MAGI2: variants seen among roughly 807,000 people sequenced by gnomAD.
MAGI2 encodes the protein membrane associated guanylate kinase, WW and PDZ domain containing 2, also known as membrane-associated guanylate kinase, WW and PDZ domain-containing protein 2.
Under a neutral mutation model 133.3 loss-of-function variants are expected in MAGI2, and 35 were observed. The ratio of observed to expected loss-of-function variants is 0.26; its 90% confidence interval spans 0.20 to 0.35. The LOEUF (loss-of-function observed/expected upper bound fraction) is 0.35, where lower values mean the gene tolerates loss of function less well. Among genes scored for constraint, MAGI2 ranks in the 10% least tolerant of loss-of-function variants. The probability of loss-of-function intolerance (pLI) is 1.00; values close to 1 mark genes in which losing one functional copy is unlikely to be tolerated. For missense variants in MAGI2, 1,636 were observed against 1,863.4 expected (o/e 0.88, Z 2.25); for synonymous variants, 729 against 710.6 (o/e 1.03, Z -0.41).
intron 3 of MAGI2, among the ~76,000 whole-genome samples, chr7:78,551,802 C>A (rs375667146): frequency 6.6e-6 from 1 of 151,956 alleles, no homozygotes; most frequent in South Asian, 2.1e-4. Flanking sequence ...TGGAGGGCAG[C>A]GGTGCGAACC....
At chr7:78,082,074 G>A (rs1461130219) in intron 20 of MAGI2, among the ~76,000 whole-genome samples, 1 of 152,170 alleles carries the variant, frequency 6.6e-6, no homozygotes, top group Non-Finnish European at 1.5e-5. Context: ...AGCCACTGCC[G>A]CCTTGTGGTT....
chr7:78,646,600 T>G (rs1810920143), intron 2 of MAGI2, among the ~76,000 whole-genome samples: 1 of 152,218 alleles, frequency 6.6e-6, no homozygotes, highest in Non-Finnish European at 1.5e-5. Flanking sequence ...TACAAAAATA[T>G]ACTTGGCAAT....
chr7:78,167,983 G>T lies in MAGI2; in HGVS notation c.2529C>A (p.Asp843Glu), dbSNP rs778426991. Residue 843 changes from aspartate to glutamate, a missense_variant, in exon 15 of 22, where the codon GAC becomes GAA. Transcript: ENST00000354212. ...VAGKTHRYVI[D>E]LMHHAARNGQ... ...CATTGCGGGCTGCGTGGTGCATGAG[G>T]TCGATGACATAGCGGTGGGTTTTGC... 6.2e-7 allele frequency: 1 copy of T among 1,614,142 alleles called. No homozygotes were observed. The highest frequency in any genetic ancestry group is 8.5e-7 in the Non-Finnish European group (1 of 1,180,034).
chr7:78,872,740 T>A (rs531092870), intron 2 of MAGI2, among the ~76,000 whole-genome samples: 2 of 152,254 alleles, frequency 1.3e-5, no homozygotes, highest in South Asian at 4.1e-4. Flanking sequence ...GAGGGAAATA[T>A]TTCTGGCCCG....
intron 9 of MAGI2, among the ~76,000 whole-genome samples, chr7:78,294,299 T>C (rs1797014581): frequency 6.6e-6 from 1 of 152,178 alleles, no homozygotes; most frequent in Non-Finnish European, 1.5e-5. Flanking sequence ...ATCTGATTTT[T>C]AGTGTATTCC....
At chr7:78,369,114 C>T (rs201930321) in intron 7 of MAGI2, 42 bp downstream of exon 7, 2 of 1,364,948 alleles carry the variant, frequency 1.5e-6, no homozygotes, top group Non-Finnish European at 1.0e-6. Flanking sequence ...CATAATTTCA[C>T]AACATATTAA....
intron 6 of MAGI2, among the ~76,000 whole-genome samples, chr7:78,407,934 C>T (rs538311626): frequency 5.9e-5 from 9 of 151,894 alleles, no homozygotes; most frequent in Admixed American, 1.3e-4. Flanking sequence ...TCCTCGGAAC[C>T]TTGTACTTTG....
chr7:79,056,805 A>T (rs1813186697), intron 1 of MAGI2, among the ~76,000 whole-genome samples: 1 of 152,236 alleles, frequency 6.6e-6, no homozygotes, highest in African/African-American at 2.4e-5. Context: ...AAAAATACAC[A>T]TTCACTAAAA....
intron 11 of MAGI2, 34 bp from the exon 12 acceptor site, chr7:78,195,097 A>G: frequency 6.6e-7 from 1 of 1,526,188 alleles, no homozygotes; most frequent in Non-Finnish European, 8.9e-7. Flanking sequence ...AAAATGACTG[A>G]CAAATTCTTC....
At chr7:79,127,628 C>A (rs1396204964) in intron 1 of MAGI2, among the ~76,000 whole-genome samples, 4 of 152,084 alleles carry the variant, frequency 2.6e-5, no homozygotes, top group African/African-American at 9.7e-5. Context: ...TATCCTTTGC[C>A]CACTTTTTGA....
intron 1 of MAGI2, among the ~76,000 whole-genome samples, chr7:79,288,660 C>T (rs1425084625): frequency 6.6e-6 from 1 of 152,006 alleles, no homozygotes. Context: ...GGAACCAGGA[C>T]GTCATTCAGA....
At chr7:78,891,606 A>G (rs1266012584) in intron 2 of MAGI2, among the ~76,000 whole-genome samples, 3 of 152,234 alleles carry the variant, frequency 2.0e-5, no homozygotes, top group African/African-American at 4.8e-5. Flanking sequence ...TGCATCATGT[A>G]AACAGAACCA....
At chr7:78,304,486 C>T (rs1211898139) in intron 9 of MAGI2, among the ~76,000 whole-genome samples, 3 of 152,232 alleles carry the variant, frequency 2.0e-5, no homozygotes, top group African/African-American at 7.2e-5. Flanking sequence ...AAGAGCAACA[C>T]ATGATTTGCT....
At chr7:79,291,948 A>G (rs1329001809) in intron 1 of MAGI2, among the ~76,000 whole-genome samples, 1 of 151,908 alleles carries the variant, frequency 6.6e-6, no homozygotes, top group Non-Finnish European at 1.5e-5. Context: ...TTTTTCACTT[A>G]TGATTTTACT....
chr7:79,284,769 CAT>C (rs919677052), intron 1 of MAGI2, among the ~76,000 whole-genome samples: 99 of 152,092 alleles, frequency 6.5e-4, no homozygotes, highest in African/African-American at 2.3e-3. Flanking sequence ...TACATACAAA[CAT>C]ATGTTTGCCC....
At chr7:78,980,961 A>T (rs957886885) in intron 2 of MAGI2, among the ~76,000 whole-genome samples, 1 of 151,408 alleles carries the variant, frequency 6.6e-6, no homozygotes, top group Non-Finnish European at 1.5e-5. Context: ...GGCTTTTTAG[A>T]TTTTATTTCA....
intron 20 of MAGI2, among the ~76,000 whole-genome samples, chr7:78,108,642 ATGTGTGTGTGTGTG>A (rs71844818): frequency 4.7e-5 from 7 of 148,714 alleles, no homozygotes; most frequent in East Asian, 2.0e-4. Flanking sequence ...CTCTCTCTGT[ATGTGTGTGTGTGTG>A]TGTGTGTGTG....
chr7:78,604,354 G>C lies in MAGI2; in HGVS notation c.538+22766C>G, dbSNP rs139206331. Reference sequence around the variant, plus strand: ...TTGAAGAGATGATGCTCCAGAAATAGATAAAACTAGAATAGAACTGGGTGG... The same window carrying C: ...TTGAAGAGATGATGCTCCAGAAATACATAAAACTAGAATAGAACTGGGTGG... On this transcript the variant is annotated intron_variant, in intron 3 of 21. Transcript: ENST00000354212. 3.0e-3 allele frequency among the ~76,000 whole-genome samples: 463 copies of C among 152,290 alleles called. 1 individual carries two copies. The highest frequency in any genetic ancestry group is 0.011 in the African/African-American group (450 of 41,564).
intron 4 of MAGI2, among the ~76,000 whole-genome samples, chr7:78,506,887 C>T (rs185518753): frequency 6.6e-5 from 10 of 152,226 alleles, no homozygotes; most frequent in African/African-American, 2.4e-4. Flanking sequence ...CTGTATAATA[C>T]CATTAAATTC....
Sources: allele counts gnomAD v4.1 joint callset (sites outside exome capture counted in the v4.1 genomes callset), GRCh38; gene constraint gnomAD v4.1.1; transcripts MANE v1.5; gene names NCBI Gene and HGNC (gene_info 2026-07-23, HGNC 2026-07-21).